Variants in ABAT observed in about 807,000 individuals in gnomAD.
ABAT encodes the protein 4-aminobutyrate aminotransferase.
Under a neutral mutation model 64.6 loss-of-function variants are expected in ABAT, and 45 were observed. That is an observed-to-expected ratio of 0.70 (90% CI 0.55 to 0.89). The LOEUF is 0.89. Among genes scored for constraint, ABAT ranks in the 40% least tolerant of loss-of-function variants. The probability of loss-of-function intolerance (pLI) is 0.00; values close to 1 mark genes in which losing one functional copy is unlikely to be tolerated. For synonymous variants in ABAT, 297 were observed against 250.5 expected (o/e 1.19, Z -1.75); for missense variants, 633 against 658.4 (o/e 0.96, Z 0.42).
rs750102702 is a variant in ABAT, at chr16:8,691,730, C to T, written c.-42+17019C>T. ...TGCTGGGATTACAGGTGTGAGCCAC[C>T]GCGCCCAGTGCCAAGGGACTTTTGG... On this transcript the variant is annotated intron_variant, in intron 1 of 15. Coordinates refer to ENST00000268251, the MANE Select transcript of ABAT (RefSeq NM_020686.6). Among the ~76,000 whole-genome samples the T allele has an allele frequency of 4.6e-5, 7 of 152,118 alleles. No homozygotes were observed. The South Asian group carries it at 6.2e-4, about 14-fold the overall frequency.
intron 1 of ABAT, among the ~76,000 whole-genome samples, chr16:8,733,172 A>T (rs2058800020): frequency 6.9e-6 from 1 of 143,972 alleles, no homozygotes. Flanking sequence ...CCAGGCGGAG[A>T]CGCTCCTCAC....
At chr16:8,730,048 T>G (rs530134018) in intron 1 of ABAT, among the ~76,000 whole-genome samples, 2 of 152,238 alleles carry the variant, frequency 1.3e-5, no homozygotes, top group East Asian at 3.9e-4. Context: ...CCACCCGTGA[T>G]AGTACCTCAG....
chr16:8,711,078 A>G (rs1282721028), intron 1 of ABAT, among the ~76,000 whole-genome samples: 1 of 152,226 alleles, frequency 6.6e-6, no homozygotes, highest in Admixed American at 6.5e-5. Flanking sequence ...TATATCAATG[A>G]GACAAATTCC....
intron 11 of ABAT, among the ~76,000 whole-genome samples, 172 bp from the exon 12 acceptor site, chr16:8,772,608 A>G (rs2060145637): frequency 6.6e-6 from 1 of 152,260 alleles, no homozygotes; most frequent in African/African-American, 2.4e-5. Context: ...CAAGTAGGAT[A>G]CATTCCCATC....
intron 1 of ABAT, among the ~76,000 whole-genome samples, chr16:8,723,807 T>TG (rs1416168123): frequency 1.4e-5 from 1 of 69,530 alleles, no homozygotes; most frequent in East Asian, 4.2e-4. Context: ...GATCCAAGCT[T>TG]TTTATATATA....
intron 5 of ABAT, among the ~76,000 whole-genome samples, chr16:8,751,399 T>A (rs2059477746): frequency 6.6e-6 from 1 of 152,080 alleles, no homozygotes; most frequent in South Asian, 2.1e-4. Flanking sequence ...GAGGTAGGGA[T>A]TCTTGGGCAG....
At chr16:8,722,368 C>T (rs1014756297) in intron 1 of ABAT, among the ~76,000 whole-genome samples, 1 of 152,172 alleles carries the variant, frequency 6.6e-6, no homozygotes, top group Non-Finnish European at 1.5e-5. Flanking sequence ...TAGTCTCAAA[C>T]GCCTGGCCTC....
intron 1 of ABAT, among the ~76,000 whole-genome samples, chr16:8,701,170 TA>T (rs2057813716): frequency 1.3e-5 from 2 of 152,016 alleles, no homozygotes. Flanking sequence ...ACTCCTGAAC[TA>T]AAGTGATCTA....
At chr16:8,679,480 C>T (rs1336640363) in intron 1 of ABAT, among the ~76,000 whole-genome samples, 2 of 148,514 alleles carry the variant, frequency 1.3e-5, no homozygotes, top group African/African-American at 5.0e-5. Flanking sequence ...TGCCTCATTT[C>T]TCTAACTTTA....
At chr16:8,754,529 T>G (rs2059587549) in intron 5 of ABAT, among the ~76,000 whole-genome samples, 1 of 152,132 alleles carries the variant, frequency 6.6e-6, no homozygotes, top group Non-Finnish European at 1.5e-5. Context: ...AACCTTGTGG[T>G]GGAAATTCAG....
chr16:8,749,921 C>G (rs2059431256), intron 4 of ABAT, among the ~76,000 whole-genome samples: 1 of 151,506 alleles, frequency 6.6e-6, no homozygotes, highest in African/African-American at 2.4e-5. Context: ...CACCATGTTG[C>G]CCACGCTGGT....
intron 1 of ABAT, among the ~76,000 whole-genome samples, chr16:8,693,934 A>T (rs2057642360): frequency 6.6e-6 from 1 of 152,202 alleles, no homozygotes; most frequent in Non-Finnish European, 1.5e-5. Flanking sequence ...CAACGGCACC[A>T]TCTTACTAAC....
At chr16:8,726,433 G>C (rs1399704275) in intron 1 of ABAT, among the ~76,000 whole-genome samples, 3 of 151,454 alleles carry the variant, frequency 2.0e-5, no homozygotes, top group African/African-American at 7.3e-5. Flanking sequence ...GATGATTTTT[G>C]TTTTTTGTAG....
In ABAT at chr16:8,776,215, A is replaced by G. The variant is rs773378226; in HGVS notation, c.1123-129A>G. 1.8e-4 allele frequency: 239 copies of G among 1,295,396 alleles called. No individual in the cohort carries two copies. The highest frequency in any genetic ancestry group is 2.5e-4 in the Non-Finnish European group (228 of 908,852). 80.2% of individuals were successfully genotyped at this position (1,295,396 alleles called of 1,614,324 possible). On this transcript the variant is annotated intron_variant, in intron 13 of 15. Coordinates refer to ENST00000268251, the MANE Select transcript of ABAT (RefSeq NM_020686.6). This position sits in a 1 kb window ranked among gnomAD's most constrained non-coding sequence, Gnocchi z 4.4. ...GCGAGATTGGGTGTGTTCCCCTGCC[A>G]GCCTCTGGTAGATGCCCACTAGATT... is the stretch of plus-strand genomic sequence containing the variant.
At chr16:8,736,282 T>A (rs75835617) in intron 2 of ABAT, 9,277 of 209,424 alleles carry the variant, frequency 0.044, 891 homozygotes, top group African/African-American at 0.2. Context: ...GAGATTTGAA[T>A]GAGGACACAG....
intron 2 of ABAT, among the ~76,000 whole-genome samples, chr16:8,745,315 T>A (rs1466033433): frequency 6.6e-6 from 1 of 152,070 alleles, no homozygotes; most frequent in East Asian, 1.9e-4. Flanking sequence ...ATATGATGAA[T>A]ATTGTCTACC....
chr16:8,680,714 C>T (rs1271441006), intron 1 of ABAT, among the ~76,000 whole-genome samples: 1 of 152,036 alleles, frequency 6.6e-6, no homozygotes, highest in East Asian at 1.9e-4. Flanking sequence ...TGGCATGAGC[C>T]ACTGCGCCCG....
Position 8,764,011 on chromosome 16 carries a change from G to A in ABAT, c.367-58G>A, listed in dbSNP as rs1199354167. 2.7e-5 allele frequency: 39 copies of A among 1,427,260 alleles called. No individual in the cohort carries two copies. The highest frequency in any genetic ancestry group is 3.7e-5 in the Non-Finnish European group (37 of 1,010,070). 88.4% of individuals were successfully genotyped at this position (1,427,260 alleles called of 1,614,324 possible). A position where few individuals can be genotyped will look rare whatever the true frequency, so the allele number is the denominator to read the frequency against. On this transcript the variant is annotated intron_variant, in intron 6 of 15. Transcript: ENST00000268251. The surrounding 1 kb of genome is among the most constrained non-coding windows in gnomAD (Gnocchi z 4.2). ...AGGGGCTATGAAAAGCACCATTTGT[G>A]GGCAGGGAGCTGGGTCAGGCCCCCA...
At chr16:8,691,167 A>T (rs557874364) in intron 1 of ABAT, among the ~76,000 whole-genome samples, 11 of 152,064 alleles carry the variant, frequency 7.2e-5, no homozygotes, top group Non-Finnish European at 1.6e-4. Context: ...TCTGTTTATT[A>T]TCTACTTAGT....
Sources: gnomAD v4.1 joint callset for allele counts (sites outside exome capture counted in the v4.1 genomes callset) on GRCh38, gnomAD v4.1.1 for gene constraint, Gnocchi (gnomAD v3.1) non-coding constraint, MANE v1.5 for transcripts, NCBI Gene and HGNC (gene_info 2026-07-23, HGNC 2026-07-21) for gene names.